Variants in SYNE1 observed in about 807,000 individuals in gnomAD.
SYNE1 encodes the protein nesprin-1.
In SYNE1, 616 loss-of-function variants were observed where a neutral mutation model predicts 1,111.0. The ratio of observed to expected loss-of-function variants is 0.55; its 90% CI spans 0.52 to 0.59. The LOEUF (loss-of-function observed/expected upper bound fraction) is 0.59. Ranked by LOEUF, SYNE1 falls within the 20% of genes least tolerant of loss-of-function variation. The probability of loss-of-function intolerance (pLI) is 0.00; values close to 1 mark genes in which losing one functional copy is unlikely to be tolerated. For missense variants in SYNE1, 10,006 were observed against 10,417.0 expected (o/e 0.96, Z 1.72); for synonymous variants, 3,855 against 3,825.8 (o/e 1.01, Z -0.28).
intron 3 of SYNE1, among the ~76,000 whole-genome samples, chr6:152,591,678 A>C (rs939297461): frequency 6.6e-6 from 1 of 152,184 alleles, no homozygotes; most frequent in African/African-American, 2.4e-5. Context: ...ATCAAACTAA[A>C]GAGTTTCTGC....
chr6:152,371,648 G>A (rs1334316901), intron 59 of SYNE1, among the ~76,000 whole-genome samples: 2 of 96,624 alleles, frequency 2.1e-5, no homozygotes, highest in Non-Finnish European at 4.2e-5. Flanking sequence ...GGAGGGCAAG[G>A]GGAAGAGGAA....
At chr6:152,144,727 T>TGA (rs1240713187) in intron 137 of SYNE1, 2 of 152,544 alleles carry the variant, frequency 1.3e-5, no homozygotes, top group African/African-American at 4.8e-5. Context: ...AAGCGTAAAC[T>TGA]AGTAACTCCG....
chr6:152,230,441 AAATAT>A (rs2082527159), intron 115 of SYNE1, 101 bp downstream of exon 115: 1 of 1,267,940 alleles, frequency 7.9e-7, no homozygotes, highest in African/African-American at 1.5e-5. Context: ...TGCAACTTTT[AAATAT>A]TTAAAAAAAT....
At chr6:152,138,479 C>T (rs1206689197) in intron 140 of SYNE1, among the ~76,000 whole-genome samples, 1 of 151,386 alleles carries the variant, frequency 6.6e-6, no homozygotes, top group Non-Finnish European at 1.5e-5. Context: ...CCACTGCACT[C>T]TAGCCTGGGT....
At chr6:152,386,525 T>C (rs924868842) in intron 54 of SYNE1, among the ~76,000 whole-genome samples, 1 of 152,156 alleles carries the variant, frequency 6.6e-6, no homozygotes, top group African/African-American at 2.4e-5. Flanking sequence ...TCTCCCTTAA[T>C]TTCTATAATA....
chr6:152,624,043 T>C (rs1404080800), intron 3 of SYNE1, among the ~76,000 whole-genome samples: 5 of 152,198 alleles, frequency 3.3e-5, no homozygotes, highest in African/African-American at 1.2e-4. Flanking sequence ...GTGATTACTT[T>C]ATACTGAACA....
intron 41 of SYNE1, among the ~76,000 whole-genome samples, chr6:152,414,889 T>TC (rs1224239867): frequency 6.6e-6 from 1 of 152,120 alleles, no homozygotes; most frequent in African/African-American, 2.4e-5. Flanking sequence ...CAAGTATCAT[T>TC]CCCTTTTGTA....
Position 152,463,467 on chromosome 6 carries a change from G to C in SYNE1, c.1983C>G (p.Asn661Lys), listed in dbSNP as rs149670417. 6.2e-7 allele frequency: 1 copy of C among 1,613,568 alleles called. No homozygotes were observed. Among genetic ancestry groups the C allele is most frequent in the Non-Finnish European group, 8.5e-7 (1 of 1,179,720 alleles). The stretch of plus-strand genomic sequence containing the variant: ...TTTCAATTAGAAAATTGCCAGCATC[G>C]TTCATGGCAGTATGCTGCTGAATCC... ...PHWIQQHTAM[N>K]DAGNFLIETC... The change falls in exon 19 of 146, where the codon AAC becomes AAG. Residue 661 changes from asparagine to lysine, a missense_variant. Coordinates refer to ENST00000367255, the MANE Select transcript of SYNE1 (RefSeq NM_182961.4).
chr6:152,429,029 T>G (rs762051348), intron 36 of SYNE1, among the ~76,000 whole-genome samples: 3 of 150,872 alleles, frequency 2.0e-5, no homozygotes, highest in Non-Finnish European at 4.4e-5. Context: ...CTATAATCAC[T>G]CCAAAAAATA....
chr6:152,311,294 AG>A lies in SYNE1; in HGVS notation c.16711-422del, dbSNP rs548782539. On this transcript the variant is annotated intron_variant, in intron 87 of 145. Coordinates refer to ENST00000367255, the MANE Select transcript of SYNE1 (RefSeq NM_182961.4). ...CAGCTCTCATATTCTATACGACTGA[AG>A]TTCATATTTGTCTAAGAAATGAAAA... The A allele has an allele frequency of 1.7e-3, 337 of 197,248 alleles. 1 individual carries two copies. Among genetic ancestry groups the A allele is most frequent in the African/African-American group, 7.0e-3 (301 of 43,264 alleles). 12.2% of individuals were successfully genotyped at this position (197,248 alleles called of 1,614,324 possible). A position where few individuals can be genotyped will look rare whatever the true frequency, so the allele number is the denominator to read the frequency against.
intron 126 of SYNE1, 131 bp from the exon 127 acceptor site, chr6:152,202,080 C>T: frequency 8.3e-7 from 1 of 1,210,246 alleles, no homozygotes; most frequent in Non-Finnish European, 1.2e-6. Context: ...AGTGTGGTGG[C>T]TCACGCGTGT....
intron 76 of SYNE1, among the ~76,000 whole-genome samples, chr6:152,334,526 G>T (rs535616897): frequency 1.1e-4 from 17 of 152,262 alleles, no homozygotes; most frequent in African/African-American, 4.1e-4. Context: ...ATTCCAAGAG[G>T]CATAAAGAAA....
chr6:152,355,384 T>C (rs1358273068), intron 66 of SYNE1, among the ~76,000 whole-genome samples: 1 of 152,204 alleles, frequency 6.6e-6, no homozygotes, highest in Admixed American at 6.5e-5. Flanking sequence ...CATTTGTGAC[T>C]GAGAAAGAAA....
chr6:152,578,593 C>CA (rs1201247227), intron 3 of SYNE1, among the ~76,000 whole-genome samples: 1 of 151,606 alleles, frequency 6.6e-6, no homozygotes. Context: ...GACTCCATCT[C>CA]AAAAAACAAA....
intron 131 of SYNE1, among the ~76,000 whole-genome samples, chr6:152,160,281 T>C (rs900727669): frequency 3.3e-5 from 5 of 152,298 alleles, no homozygotes; most frequent in Admixed American, 2.6e-4. Context: ...CTCTCTCTAA[T>C]TTATAATGCT....
rs1554486430 is a variant in SYNE1, at chr6:152,336,872, T to C, written c.12497A>G (p.Asn4166Ser). 2.5e-6 allele frequency: 4 copies of C among 1,613,930 alleles called. No homozygotes were observed. The highest frequency in any genetic ancestry group is 3.4e-6 in the Non-Finnish European group (4 of 1,180,048). ...TTGTGAAACCATGTTCTGTGCAATG[T>C]TCAGCTCCAGCTCAGAGTGCCTCCT... The part of the protein sequence containing the change: ...MKRRHSELEL[N>S]IAQNMVSQVK... The change falls in exon 76 of 146, where the codon AAC becomes AGC. Residue 4166 changes from asparagine (N) to serine (S), a missense_variant. Physicochemically the swap from Asn to Ser is conservative, Grantham distance 46. This residue lies in a region of SYNE1 where 4,955 missense variants were observed against 5,017.2 expected (regional missense o/e 0.99). Coordinates refer to ENST00000367255, the MANE Select transcript of SYNE1 (RefSeq NM_182961.4).
intron 123 of SYNE1, 68 bp from the exon 124 acceptor site, chr6:152,211,656 TTTCC>T: frequency 7.3e-7 from 1 of 1,376,558 alleles, no homozygotes; most frequent in Non-Finnish European, 1.0e-6. Context: ...CTCTGATAAC[TTTCC>T]AAATATTCTA....
At chr6:152,189,492 T>C (rs2071564237) in intron 127 of SYNE1, 85 bp from the exon 128 acceptor site, 1 of 1,369,414 alleles carries the variant, frequency 7.3e-7, no homozygotes, top group African/African-American at 1.4e-5. Flanking sequence ...CTTGATAGAA[T>C]TTCCTTTGTA....
In SYNE1 at chr6:152,278,004, C is replaced by T. The variant is rs760122156; in HGVS notation, c.18573+85G>A. ...CACACAAGTACGCGTCACCGCCAACCTGTTCCTTTACCTGGCAAACCTTAG... is the reference window on the plus strand; with the variant it reads ...CACACAAGTACGCGTCACCGCCAACTTGTTCCTTTACCTGGCAAACCTTAG... On this transcript the variant is annotated intron_variant, in intron 98 of 145. Transcript: ENST00000367255. 9.5e-6 allele frequency: 14 copies of T among 1,473,832 alleles called. No homozygotes were observed. The Admixed American group carries it at 2.3e-4, about 25-fold the overall frequency. The allele number at this position is 1,473,832 out of a possible 1,614,324, so 91.3% of individuals were successfully genotyped here.
Sources: gnomAD v4.1 joint callset for allele counts (sites outside exome capture counted in the v4.1 genomes callset) on GRCh38, gnomAD v4.1.1 for gene constraint, gnomAD v4.1.1 regional missense constraint, MANE v1.5 for transcripts, NCBI Gene and HGNC (gene_info 2026-07-23, HGNC 2026-07-21) for gene names.